The following DNAJC1 variants were observed in gnomAD, a reference collection of about 807,000 sequenced individuals.
The protein encoded by DNAJC1 is DnaJ heat shock protein family (Hsp40) member C1.
Under a neutral mutation model 76.6 loss-of-function variants are expected in DNAJC1, and 58 were observed. The ratio of observed to expected loss-of-function variants is 0.76; its 90% CI spans 0.61 to 0.94. The LOEUF (loss-of-function observed/expected upper bound fraction) is 0.94. Among genes scored for constraint, DNAJC1 ranks in the 40% least tolerant of loss-of-function variants. The pLI is 0.00. For synonymous variants in DNAJC1, 258 were observed against 267.9 expected, an observed-to-expected ratio of 0.96 and a Z score of 0.36; for missense variants, 689 against 677.3, an observed-to-expected ratio of 1.02 and a Z score of -0.19.
intron 8 of DNAJC1, among the ~76,000 whole-genome samples, chr10:21,881,927 G>T (rs1320077479): frequency 6.6e-6 from 1 of 151,316 alleles, no homozygotes; most frequent in Non-Finnish European, 1.5e-5. Context: ...GGCCGAGGGG[G>T]GCAGATCATG....
chr10:21,787,171 T>G (rs946310833), intron 9 of DNAJC1, among the ~76,000 whole-genome samples: 7 of 151,902 alleles, frequency 4.6e-5, no homozygotes, highest in Non-Finnish European at 1.0e-4. Context: ...CTACTAAAAG[T>G]ACAAAAATTA....
rs1836502630 is a variant in DNAJC1, at chr10:21,894,158, T to C, written c.820+10364A>G. ...AATAGCTCTATAACTATAAATCCAATTTAATTTGTTATTTTAATACTCCAA... is the reference window on the plus strand; with the variant it reads ...AATAGCTCTATAACTATAAATCCAACTTAATTTGTTATTTTAATACTCCAA... On this transcript the variant is annotated intron_variant, in intron 7 of 11. Coordinates refer to ENST00000376980, the MANE Select transcript of DNAJC1 (RefSeq NM_022365.4). 3.9e-5 allele frequency among the ~76,000 whole-genome samples: 6 copies of C among 152,300 alleles called. No individual in the cohort carries two copies. In the South Asian group the frequency reaches 1.2e-3, roughly 32 times the overall value.
chr10:21,942,964 TAATC>T (rs1185548072), intron 1 of DNAJC1, among the ~76,000 whole-genome samples: 5 of 151,920 alleles, frequency 3.3e-5, no homozygotes, highest in African/African-American at 1.2e-4. Flanking sequence ...TTAAAAATAA[TAATC>T]AAATAAAATA....
chr10:21,764,882 C>A (rs907366647), intron 10 of DNAJC1, among the ~76,000 whole-genome samples: 4 of 152,186 alleles, frequency 2.6e-5, no homozygotes, highest in Admixed American at 1.3e-4. Context: ...GATGCTGGAT[C>A]TGCTCTCTGC....
In DNAJC1 at chr10:21,813,086, TAC is replaced by T. The variant is rs1165532400; in HGVS notation, c.979-6989_979-6988del. Among the ~76,000 whole-genome samples the T allele has an allele frequency of 1.9e-4, 16 of 84,266 alleles. 1 individual carries two copies. The highest frequency in any genetic ancestry group is 4.8e-3 in the Middle Eastern group (1 of 208). 55.3% of individuals were successfully genotyped at this position (84,266 alleles called of 152,430 possible). A position where few individuals can be genotyped will look rare whatever the true frequency, so the allele number is the denominator to read the frequency against. The stretch of plus-strand genomic sequence containing the variant: ...ACATATATACATATATATACATATA[TAC>T]ACACACACATATATATATATATATA... On this transcript the variant is annotated intron_variant, in intron 8 of 11. Coordinates refer to ENST00000376980, the MANE Select transcript of DNAJC1 (RefSeq NM_022365.4).
At chr10:21,786,925 G>A (rs1476711360) in intron 9 of DNAJC1, among the ~76,000 whole-genome samples, 1 of 152,064 alleles carries the variant, frequency 6.6e-6, no homozygotes, top group African/African-American at 2.4e-5. Flanking sequence ...AATAAAGGAG[G>A]GAGTATGTAA....
intron 8 of DNAJC1, among the ~76,000 whole-genome samples, chr10:21,877,736 T>G (rs190670279): frequency 0.012 from 1,825 of 152,274 alleles, 42 homozygotes; most frequent in Non-Finnish European, 0.013. Flanking sequence ...TGACACAAAC[T>G]TTTGGAAAAC....
rs117915587 is a variant in DNAJC1, at chr10:21,776,029, T to C, written c.1099-9720A>G. ...ATTTATCTTTAGAATGCTTATGCAATTGGGGACCTATGATGTAAGTTTGTG... is the reference window on the plus strand; with the variant it reads ...ATTTATCTTTAGAATGCTTATGCAACTGGGGACCTATGATGTAAGTTTGTG... On this transcript the variant is annotated intron_variant, in intron 9 of 11. Transcript: ENST00000376980. Among the ~76,000 whole-genome samples, 29 of 152,260 alleles carry C rather than the reference T, an allele frequency of 1.9e-4. No individual in the cohort carries two copies. In the East Asian group the frequency reaches 4.8e-3, roughly 25 times the overall value.
In DNAJC1 at chr10:21,823,152, T is replaced by G. The variant is rs376161020; in HGVS notation, c.979-17053A>C. On this transcript the variant is annotated intron_variant, in intron 8 of 11. Coordinates refer to ENST00000376980, the MANE Select transcript of DNAJC1 (RefSeq NM_022365.4). The stretch of plus-strand genomic sequence containing the variant: ...TCTGCCACTTCAAAGAGACTTGAAC[T>G]GAAGTCTGCAAAATCACAAGCGAAA... 2.6e-5 allele frequency among the ~76,000 whole-genome samples: 4 copies of G among 152,288 alleles called. No homozygotes were observed. The East Asian group carries it at 5.8e-4, about 22-fold the overall frequency.
intron 1 of DNAJC1, among the ~76,000 whole-genome samples, chr10:21,994,585 A>T (rs1838383575): frequency 6.6e-6 from 1 of 152,112 alleles, no homozygotes; most frequent in African/African-American, 2.4e-5. Flanking sequence ...TCAGGAGATC[A>T]AGACCATTCT....
intron 9 of DNAJC1, among the ~76,000 whole-genome samples, chr10:21,782,933 C>G (rs1160499459): frequency 1.3e-5 from 2 of 152,308 alleles, no homozygotes; most frequent in South Asian, 2.1e-4. Flanking sequence ...GACAAACCCA[C>G]AGCCAATATC....
At chr10:21,825,323 GCTTCTGA>G (rs1179253078) in intron 8 of DNAJC1, among the ~76,000 whole-genome samples, 4 of 152,152 alleles carry the variant, frequency 2.6e-5, no homozygotes, top group African/African-American at 7.2e-5. Context: ...GTGGCCCTTT[GCTTCTGA>G]CTTCTTTCAG....
intron 3 of DNAJC1, among the ~76,000 whole-genome samples, chr10:21,923,574 T>C (rs1470378968): frequency 1.3e-5 from 2 of 151,860 alleles, no homozygotes; most frequent in African/African-American, 4.8e-5. Context: ...TTGTAAGATA[T>C]AAAGAAAGAA....
intron 1 of DNAJC1, among the ~76,000 whole-genome samples, chr10:21,973,598 C>G (rs972308560): frequency 4.6e-5 from 7 of 152,022 alleles, no homozygotes; most frequent in African/African-American, 1.7e-4. Flanking sequence ...CTCAAATATG[C>G]AGTTGTACCT....
intron 10 of DNAJC1, among the ~76,000 whole-genome samples, chr10:21,764,510 T>A (rs1390339527): frequency 6.6e-6 from 1 of 152,204 alleles, no homozygotes; most frequent in East Asian, 1.9e-4. Flanking sequence ...AAGGTCATTT[T>A]CCCCTGTGCT....
intron 8 of DNAJC1, among the ~76,000 whole-genome samples, chr10:21,870,690 G>A (rs1166747604): frequency 1.3e-5 from 2 of 152,040 alleles, no homozygotes; most frequent in African/African-American, 2.4e-5. Context: ...TGGGAGGATT[G>A]CTTGAGCCTG....
intron 7 of DNAJC1, among the ~76,000 whole-genome samples, chr10:21,884,831 T>A (rs1206149162): frequency 6.6e-6 from 1 of 152,162 alleles, no homozygotes; most frequent in Non-Finnish European, 1.5e-5. Context: ...GGGTGTTTCA[T>A]CACAACTGCA....
chr10:21,770,067 G>A (rs1834355125), intron 9 of DNAJC1, among the ~76,000 whole-genome samples: 1 of 151,760 alleles, frequency 6.6e-6, no homozygotes, highest in Admixed American at 6.6e-5. Flanking sequence ...AGTCACTTAG[G>A]CTCAAAATCT....
At chr10:21,825,629 C>A (rs1835235463) in intron 8 of DNAJC1, among the ~76,000 whole-genome samples, 1 of 152,208 alleles carries the variant, frequency 6.6e-6, no homozygotes, top group Non-Finnish European at 1.5e-5. Flanking sequence ...GCAGCTGAGA[C>A]ATTTTACATT....
Sources: gnomAD v4.1 joint callset for allele counts (sites outside exome capture counted in the v4.1 genomes callset) on GRCh38, gnomAD v4.1.1 for gene constraint, MANE v1.5 for transcripts, NCBI Gene and HGNC (gene_info 2026-07-23, HGNC 2026-07-21) for gene names.